The following QSOX2 variants were observed in gnomAD, a reference collection of about 807,000 sequenced individuals.
QSOX2 encodes sulfhydryl oxidase 2.
In QSOX2, 46 loss-of-function variants were observed where a neutral mutation model predicts 61.7. That is an observed-to-expected ratio of 0.75 (90% CI 0.59 to 0.95). QSOX2 has a LOEUF of 0.95. QSOX2 is among the 40% of genes least tolerant of loss of function. The probability of loss-of-function intolerance (pLI) is 0.00; values close to 1 mark genes in which losing one functional copy is unlikely to be tolerated. For missense variants in QSOX2, 879 were observed against 918.9 expected, an observed-to-expected ratio of 0.96 and a Z score of 0.56; for synonymous variants, 383 against 388.4, an observed-to-expected ratio of 0.99 and a Z score of 0.16.
chr9:136,224,878 G>A lies in QSOX2; in HGVS notation c.461C>T (p.Thr154Ile), dbSNP rs1208373724. ...YFKAFTKEFTTGENFKGPDRE... is the reference protein window; with the variant it reads ...YFKAFTKEFTIGENFKGPDRE... ...GTCCTTACCTTTAAAATTTTCTCCA[G>A]TTGTAAACTCCTTTGTAAATGCTTT... is the stretch of plus-strand genomic sequence containing the variant. Residue 154 changes from threonine to isoleucine, a missense_variant, in exon 3 of 12, where the codon ACT (threonine) becomes ATT (isoleucine). Transcript: ENST00000358701. 1.9e-6 allele frequency: 3 copies of A among 1,602,914 alleles called. No homozygotes were observed. Among genetic ancestry groups the A allele is most frequent in the African/African-American group, 2.7e-5 (2 of 74,438 alleles).
chr9:136,215,039 A>C, intron 10 of QSOX2, 115 bp downstream of exon 10: 1 of 1,275,678 alleles, frequency 7.8e-7, no homozygotes, highest in Admixed American at 3.0e-5. Context: ...CCCCTGCCTC[A>C]GTGGCCTGGC....
intron 1 of QSOX2, among the ~76,000 whole-genome samples, chr9:136,232,739 G>A (rs1243260736): frequency 2.6e-5 from 4 of 151,886 alleles, no homozygotes; most frequent in Non-Finnish European, 5.9e-5. Flanking sequence ...TTTAAGACCA[G>A]CCTGGGCAAC....
At chr9:136,237,777 C>T (rs1443299787) in intron 1 of QSOX2, among the ~76,000 whole-genome samples, 1 of 152,216 alleles carries the variant, frequency 6.6e-6, no homozygotes, top group Non-Finnish European at 1.5e-5. Flanking sequence ...GCCAGTGTCA[C>T]CTGGAGCCCG....
At chr9:136,232,541 T>A (rs1830340869) in intron 1 of QSOX2, among the ~76,000 whole-genome samples, 1 of 152,198 alleles carries the variant, frequency 6.6e-6, no homozygotes, top group Non-Finnish European at 1.5e-5. Flanking sequence ...TATACAAATC[T>A]ATTATAAAAA....
Position 136,207,687 on chromosome 9 carries a change from C to G in QSOX2, c.*1041G>C, listed in dbSNP as rs1026632463. On this transcript the variant is annotated 3_prime_UTR_variant, in exon 12 of 12. Coordinates refer to ENST00000358701, the MANE Select transcript of QSOX2 (RefSeq NM_181701.4). The stretch of plus-strand genomic sequence containing the variant: ...AGGAAGCCTGGCCCCCTCCGTGGGC[C>G]GAGTGAGATGCTTGTGTGTGCAGCA... The G allele has an allele frequency of 1.3e-5, 2 of 152,378 alleles. No homozygotes were observed. The highest frequency in any genetic ancestry group is 4.8e-5 in the African/African-American group (2 of 41,436). The allele number at this position is 152,378 out of a possible 1,614,324, so 9.4% of individuals were successfully genotyped here.
chr9:136,238,001 C>T (rs1463102393), intron 1 of QSOX2, among the ~76,000 whole-genome samples: 1 of 152,204 alleles, frequency 6.6e-6, no homozygotes, highest in East Asian at 1.9e-4. Context: ...AACCTTTGGG[C>T]TTTCCTTGTC....
In QSOX2 at chr9:136,231,267, C is replaced by T. The variant is rs548115717; in HGVS notation, c.329-4393G>A. On this transcript the variant is annotated intron_variant, in intron 1 of 11. Transcript: ENST00000358701. ...AACAGGCGTGCCCGACTCCGACTAG[C>T]GTGTGACCAGAATACGCCCCCATCC... Among the ~76,000 whole-genome samples the T allele has an allele frequency of 1.2e-4, 18 of 152,296 alleles. No homozygotes were observed. The East Asian group carries it at 1.9e-3, about 16-fold the overall frequency.
chr9:136,234,279 G>T (rs1380615986), intron 1 of QSOX2, among the ~76,000 whole-genome samples: 3 of 152,236 alleles, frequency 2.0e-5, no homozygotes. Context: ...TTTGTCACTG[G>T]TAAGGCTTCC....
At chr9:136,230,997 C>G (rs1323502729) in intron 1 of QSOX2, among the ~76,000 whole-genome samples, 1 of 152,246 alleles carries the variant, frequency 6.6e-6, no homozygotes, top group Non-Finnish European at 1.5e-5. Context: ...CCCTGACCCC[C>G]TGCCCAGGCC....
chr9:136,237,727 C>G (rs1351938903), intron 1 of QSOX2, among the ~76,000 whole-genome samples: 1 of 151,540 alleles, frequency 6.6e-6, no homozygotes, highest in Non-Finnish European at 1.5e-5. Context: ...GCCGGCGTCA[C>G]CTGGAGCCCG....
chr9:136,235,350 C>G (rs1564297224), intron 1 of QSOX2, among the ~76,000 whole-genome samples: 1 of 152,190 alleles, frequency 6.6e-6, no homozygotes, highest in Non-Finnish European at 1.5e-5. Context: ...GGATGCAAGA[C>G]CAGGGACACT....
intron 2 of QSOX2, among the ~76,000 whole-genome samples, 194 bp downstream of exon 2, chr9:136,226,580 G>A (rs375497632): frequency 2.0e-5 from 3 of 152,292 alleles, no homozygotes; most frequent in East Asian, 3.9e-4. Context: ...AGCACAACAG[G>A]GTGGAACAAG....
chr9:136,224,109 G>A lies in QSOX2; in HGVS notation c.482C>T (p.Pro161Leu). Reference sequence around the variant, plus strand: ...TCTGACTGTTCGCAGCTCTCGGTCAGGTCCTGCCGGAAGCACACCAGGGTC... The same window carrying A: ...TCTGACTGTTCGCAGCTCTCGGTCAAGTCCTGCCGGAAGCACACCAGGGTC... ...EFTTGENFKG[P>L]DRELRTVRQT... Residue 161 changes from proline (P) to leucine (L), a missense_variant, in exon 4 of 12, where the codon CCT becomes CTT. Coordinates refer to ENST00000358701, the MANE Select transcript of QSOX2 (RefSeq NM_181701.4). The A allele has an allele frequency of 1.9e-6, 3 of 1,613,410 alleles. No homozygotes were observed. Among genetic ancestry groups the A allele is most frequent in the Non-Finnish European group, 1.7e-6 (2 of 1,179,702 alleles).
chr9:136,225,978 G>C (rs1006415260), intron 2 of QSOX2, among the ~76,000 whole-genome samples: 3 of 152,210 alleles, frequency 2.0e-5, no homozygotes, highest in Non-Finnish European at 4.4e-5. Context: ...AGGCCCTGGG[G>C]CAGGGCTGAC....
At position 136,208,564 on chromosome 9, in the gene QSOX2, G is replaced by T; in HGVS notation, c.*164C>A. ...ACCCCGTGTTCTTCCCTTGTTAGAA[G>T]AGCGTTTGTAAAACCAGGACTTTGA... On this transcript the variant is annotated 3_prime_UTR_variant, in exon 12 of 12. Transcript: ENST00000358701. The T allele has an allele frequency of 1.4e-6, 1 of 729,600 alleles. No individual in the cohort carries two copies. Among genetic ancestry groups the T allele is most frequent in the Non-Finnish European group, 2.1e-6 (1 of 470,520 alleles). The allele number at this position is 729,600 out of a possible 1,614,324, so 45.2% of individuals were successfully genotyped here.
At chr9:136,225,251 T>C (rs902298080) in intron 2 of QSOX2, among the ~76,000 whole-genome samples, 1 of 152,226 alleles carries the variant, frequency 6.6e-6, no homozygotes, top group African/African-American at 2.4e-5. Flanking sequence ...TGGTTAGCTG[T>C]AGCGTTAGCT....
At chr9:136,245,368 A>T in intron 1 of QSOX2, 108 bp downstream of exon 1, 1 of 915,160 alleles carries the variant, frequency 1.1e-6, no homozygotes, top group Non-Finnish European at 1.6e-6. Context: ...GTAAGGAAAG[A>T]AATACGGGGG....
chr9:136,230,919 G>C (rs1163151873), intron 1 of QSOX2, among the ~76,000 whole-genome samples: 2 of 152,152 alleles, frequency 1.3e-5, no homozygotes, highest in Middle Eastern at 3.2e-3. Context: ...TCTTTCCACT[G>C]ATCTGTTCCT....
At chr9:136,210,262 T>A (rs745426168) in intron 11 of QSOX2, 1 of 985,370 alleles carries the variant, frequency 1.0e-6, no homozygotes, top group African/African-American at 1.7e-5. Context: ...TCCCAGGAGC[T>A]TGGGTCTCAA....
Sources: allele counts gnomAD v4.1 joint callset (sites outside exome capture counted in the v4.1 genomes callset), GRCh38; gene constraint gnomAD v4.1.1; transcripts MANE v1.5; gene names NCBI Gene and HGNC (gene_info 2026-07-23, HGNC 2026-07-21).